MEGF9: variants seen among roughly 807,000 people sequenced by gnomAD.
MEGF9 encodes the protein multiple EGF like domains 9, also known as multiple epidermal growth factor-like domains protein 9.
Under a neutral mutation model 46.8 loss-of-function variants are expected in MEGF9, and 6 were observed. The ratio of observed to expected loss-of-function variants is 0.13; its 90% CI spans 0.07 to 0.25. The LOEUF (loss-of-function observed/expected upper bound fraction) is 0.25, where lower values mean the gene tolerates loss of function less well. MEGF9 is among the 10% of genes least tolerant of loss of function. MEGF9 has a pLI of 1.00. For missense variants in MEGF9, 683 were observed against 792.4 expected, an observed-to-expected ratio of 0.86 and a Z score of 1.66; for synonymous variants, 302 against 330.7, an observed-to-expected ratio of 0.91 and a Z score of 0.94.
intron 1 of MEGF9, among the ~76,000 whole-genome samples, chr9:120,697,912 A>G (rs71509537): frequency 0.028 from 4,287 of 152,214 alleles, 103 homozygotes; most frequent in Non-Finnish European, 0.039. Flanking sequence ...TGTAACTACT[A>G]AATGCTTTAT....
At chr9:120,682,656 T>C (rs577728897) in intron 1 of MEGF9, among the ~76,000 whole-genome samples, 3 of 152,304 alleles carry the variant, frequency 2.0e-5, no homozygotes, top group East Asian at 1.9e-4. Context: ...GGCATGATTA[T>C]GGTCCACTGT....
intron 3 of MEGF9, among the ~76,000 whole-genome samples, chr9:120,622,098 A>T (rs757264341): frequency 1.3e-5 from 2 of 152,090 alleles, no homozygotes; most frequent in Non-Finnish European, 2.9e-5. Flanking sequence ...AGAGAAAGAG[A>T]TTTTTTTCTA....
At chr9:120,683,937 A>T (rs2043810031) in intron 1 of MEGF9, among the ~76,000 whole-genome samples, 1 of 152,162 alleles carries the variant, frequency 6.6e-6, no homozygotes, top group Non-Finnish European at 1.5e-5. Context: ...CAAGGAAAAA[A>T]ATTTAAAAAT....
At chr9:120,614,938 T>C (rs1286651285) in intron 3 of MEGF9, among the ~76,000 whole-genome samples, 5 of 151,886 alleles carry the variant, frequency 3.3e-5, no homozygotes, top group Admixed American at 2.6e-4. Context: ...TACATACATA[T>C]ATATATGTAT....
At position 120,658,570 on chromosome 9, in the gene MEGF9, C is replaced by T. The variant is rs116173790; in HGVS notation, c.803+804G>A. The stretch of plus-strand genomic sequence containing the variant: ...AAACAAGCTCAGTGAAAGGAAATTA[C>T]TTGCCCAAGGAACACAGCTCCTAAG... On this transcript the variant is annotated intron_variant, in intron 2 of 5. Coordinates refer to ENST00000373930, the MANE Select transcript of MEGF9 (RefSeq NM_001080497.3). Among the ~76,000 whole-genome samples, 125 of 152,344 alleles carry T rather than the reference C, an allele frequency of 8.2e-4. 2 individuals carry two copies. Among genetic ancestry groups the T allele is most frequent in the African/African-American group, 3.0e-3 (124 of 41,584 alleles).
chr9:120,650,698 T>C (rs1399081724), intron 2 of MEGF9, among the ~76,000 whole-genome samples: 1 of 152,236 alleles, frequency 6.6e-6, no homozygotes, highest in African/African-American at 2.4e-5. Context: ...TAGAATTGAA[T>C]CCACTTTTCT....
chr9:120,702,583 T>C lies in MEGF9; in HGVS notation c.601+11175A>G, dbSNP rs1038653748. ...ATATGTATATTGCTGCTTAATATAA[T>C]GTAAACATTTTAATGTAAGTTCATA... is the stretch of plus-strand genomic sequence containing the variant. On this transcript the variant is annotated intron_variant, in intron 1 of 5. Coordinates refer to ENST00000373930, the MANE Select transcript of MEGF9 (RefSeq NM_001080497.3). Among the ~76,000 whole-genome samples, 9 of 152,200 alleles carry C rather than the reference T, an allele frequency of 5.9e-5. No individual in the cohort carries two copies. The Middle Eastern group carries it at 9.5e-3, about 161-fold the overall frequency.
chr9:120,643,890 T>C (rs1221169280), intron 2 of MEGF9, among the ~76,000 whole-genome samples: 1 of 152,016 alleles, frequency 6.6e-6, no homozygotes, highest in Non-Finnish European at 1.5e-5. Context: ...AATTGTGTAA[T>C]CTGTTGTAGA....
intron 1 of MEGF9, among the ~76,000 whole-genome samples, chr9:120,695,036 TAA>T (rs748784492): frequency 2.5e-4 from 34 of 137,298 alleles, no homozygotes; most frequent in Non-Finnish European, 2.9e-4. Flanking sequence ...TATAGTGGTT[TAA>T]AAAAAAAAAA....
At chr9:120,668,029 T>C (rs1471196374) in intron 1 of MEGF9, among the ~76,000 whole-genome samples, 1 of 152,018 alleles carries the variant, frequency 6.6e-6, no homozygotes, top group East Asian at 1.9e-4. Context: ...TGTCTCAAAA[T>C]AAACAAACAA....
intron 1 of MEGF9, among the ~76,000 whole-genome samples, chr9:120,693,275 CAAAAAA>C (rs10633158): frequency 1.9e-5 from 2 of 104,490 alleles, no homozygotes; most frequent in Non-Finnish European, 3.7e-5. Flanking sequence ...TCTGGTTAAC[CAAAAAA>C]AAAAAAAAAA....
Position 120,605,584 on chromosome 9 carries a change from G to A in MEGF9, c.1415C>T (p.Thr472Ile), listed in dbSNP as rs2043417169. ...STILVSNASL[T>I]TSVPTPVINS... is the part of the protein sequence containing the mutation. Reference sequence around the variant, plus strand: ...TATAACAGGGGTGGGCACTGATGTGGTCAAAGAGGCATTGGAAACCAAAAT... The same window carrying A: ...TATAACAGGGGTGGGCACTGATGTGATCAAAGAGGCATTGGAAACCAAAAT... Residue 472 changes from threonine (T) to isoleucine (I), a missense_variant, in exon 6 of 6, where the codon ACC becomes ATC. Thr to Ile is a moderately conservative substitution (Grantham distance 89). Around this residue, in one of 2 missense-constraint regions of MEGF9, gnomAD observed 313 missense variants for 421.1 expected, o/e 0.74. Coordinates refer to ENST00000373930, the MANE Select transcript of MEGF9 (RefSeq NM_001080497.3). The surrounding 1 kb of genome is among the most constrained non-coding windows in gnomAD (Gnocchi z 4.0). 6.2e-7 allele frequency: 1 copy of A among 1,603,502 alleles called. No homozygotes were observed. Among genetic ancestry groups the A allele is most frequent in the South Asian group, 1.1e-5 (1 of 89,810 alleles).
At position 120,714,108 on chromosome 9, in the gene MEGF9, C is replaced by G; in HGVS notation, c.251G>C (p.Arg84Pro). ...TAQAPRTGPP[R>P]ATVHRPLAAT... The stretch of plus-strand genomic sequence containing the variant: ...AGCCAGGGGTCGGTGGACGGTGGCG[C>G]GCGGGGGCCCGGTCCTCGGGGCCTG... The change falls in exon 1 of 6, where the codon CGC becomes CCC. Residue 84 changes from arginine to proline, a missense_variant. Arg to Pro is a moderately radical substitution (Grantham distance 103). Coordinates refer to ENST00000373930, the MANE Select transcript of MEGF9 (RefSeq NM_001080497.3). 1 of 1,244,324 alleles carries G rather than the reference C, an allele frequency of 8.0e-7. No individual in the cohort carries two copies. Among genetic ancestry groups the G allele is most frequent in the Non-Finnish European group, 1.0e-6 (1 of 994,110 alleles). 77.1% of individuals were successfully genotyped at this position (1,244,324 alleles called of 1,614,324 possible). A position where few individuals can be genotyped will look rare whatever the true frequency, so the allele number is the denominator to read the frequency against.
At chr9:120,641,833 A>T (rs969506403) in intron 2 of MEGF9, among the ~76,000 whole-genome samples, 1 of 152,178 alleles carries the variant, frequency 6.6e-6, no homozygotes, top group African/African-American at 2.4e-5. Flanking sequence ...TTTGGTATCA[A>T]TTCTAACCTA....
In MEGF9 at chr9:120,605,099, C is replaced by T. The variant is rs958423357; in HGVS notation, c.*91G>A. On this transcript the variant is annotated 3_prime_UTR_variant, in exon 6 of 6. Transcript: ENST00000373930. The surrounding 1 kb of genome is among the most constrained non-coding windows in gnomAD (Gnocchi z 4.0). ...GATGCACTATTTGCCTTTGCTTTCTCAGCAAACTCTAGCCAGGCTTTGTCT... is the reference window on the plus strand; with the variant it reads ...GATGCACTATTTGCCTTTGCTTTCTTAGCAAACTCTAGCCAGGCTTTGTCT... The T allele has an allele frequency of 2.0e-5, 27 of 1,342,558 alleles. No individual in the cohort carries two copies. Among genetic ancestry groups the T allele is most frequent in the African/African-American group, 2.9e-5 (2 of 68,398 alleles). The allele number at this position is 1,342,558 out of a possible 1,614,324, so 83.2% of individuals were successfully genotyped here. A position where few individuals can be genotyped will look rare whatever the true frequency, so the allele number is the denominator to read the frequency against.
At chr9:120,622,352 G>GTTCCA (rs1324214550) in intron 3 of MEGF9, among the ~76,000 whole-genome samples, 1 of 150,080 alleles carries the variant, frequency 6.7e-6, no homozygotes, top group East Asian at 2.0e-4. Context: ...AGTTTACCTA[G>GTTCCA]GAAGAGTTCC....
intron 2 of MEGF9, among the ~76,000 whole-genome samples, chr9:120,628,528 A>C (rs369843051): frequency 1.5e-3 from 225 of 146,418 alleles, no homozygotes; most frequent in African/African-American, 5.3e-3. Context: ...CCTCCAAACA[A>C]AAGCAGTAGC....
intron 2 of MEGF9, among the ~76,000 whole-genome samples, chr9:120,657,383 T>A (rs1336732821): frequency 6.6e-6 from 1 of 152,244 alleles, no homozygotes; most frequent in African/African-American, 2.4e-5. Context: ...TGCAGTAGAA[T>A]TATGAATACA....
chr9:120,691,889 T>C (rs2043850196), intron 1 of MEGF9, among the ~76,000 whole-genome samples: 1 of 152,166 alleles, frequency 6.6e-6, no homozygotes, highest in South Asian at 2.1e-4. Flanking sequence ...AAAGTACATA[T>C]GCATTGCCTT....
Sources: gnomAD v4.1 joint callset for allele counts (sites outside exome capture counted in the v4.1 genomes callset) on GRCh38, gnomAD v4.1.1 for gene constraint, gnomAD v4.1.1 regional missense constraint, Gnocchi (gnomAD v3.1) non-coding constraint, MANE v1.5 for transcripts, NCBI Gene and HGNC (gene_info 2026-07-23, HGNC 2026-07-21) for gene names.